Variants in GSTO2 observed in about 807,000 individuals in gnomAD.
GSTO2 encodes glutathione S-transferase omega 2.
A neutral mutation model predicts 28.4 loss-of-function variants in GSTO2; 23 were observed. The ratio of observed to expected loss-of-function variants is 0.81; its 90% CI spans 0.58 to 1.15. The LOEUF (loss-of-function observed/expected upper bound fraction) is 1.15. GSTO2 is among the 50% of genes most tolerant of loss of function. The pLI, the probability that GSTO2 is intolerant of heterozygous loss-of-function variation, is 0.00. For synonymous variants in GSTO2, 109 were observed against 111.0 expected (o/e 0.98, Z 0.11); for missense variants, 298 against 297.8 (o/e 1.00, Z 0.00).
chr10:104,285,540 C>T (rs1322821045), intron 5 of GSTO2, among the ~76,000 whole-genome samples: 2 of 152,224 alleles, frequency 1.3e-5, no homozygotes, highest in Non-Finnish European at 2.9e-5. Context: ...GCCTCAGCCT[C>T]CTGGGCTCAA....
At chr10:104,272,097 G>A (rs906177315) in intron 1 of GSTO2, among the ~76,000 whole-genome samples, 1 of 152,184 alleles carries the variant, frequency 6.6e-6, no homozygotes, top group Non-Finnish European at 1.5e-5. Flanking sequence ...TGGGTTCATT[G>A]ATTGTAATAA....
intron 5 of GSTO2, among the ~76,000 whole-genome samples, chr10:104,283,292 C>T (rs2012197860): frequency 6.6e-6 from 1 of 152,224 alleles, no homozygotes; most frequent in Admixed American, 6.5e-5. Flanking sequence ...ATTGTCCTAA[C>T]AGGTTTGAAT....
rs199548115 is a variant in GSTO2 at position 104,275,305 on chromosome 10, C to T, written c.114C>T (p.Thr38=). 1 of 1,614,060 alleles carries T rather than the reference C, an allele frequency of 6.2e-7. No homozygotes were observed. The highest frequency in any genetic ancestry group is 8.5e-7 in the Non-Finnish European group (1 of 1,179,986). The change falls in exon 3 of 7, where the codon ACC becomes ACT. Residue 38 remains threonine (T), a synonymous_variant. Transcript: ENST00000338595. ...GGTTCTGCCCCTATTCTCACAGGAC[C>T]CGCCTCGTCCTCAAGGCCAAAGACA... ...SMRFCPYSHR[T]RLVLKAKDIR... is the part of the protein sequence containing the mutation.
intron 5 of GSTO2, among the ~76,000 whole-genome samples, chr10:104,280,134 C>G (rs1021971347): frequency 7.4e-6 from 1 of 134,346 alleles, no homozygotes; most frequent in Non-Finnish European, 1.5e-5. Flanking sequence ...CCACTGCACT[C>G]TAGCCTGGGT....
At chr10:104,270,509 C>A (rs1214868938) in intron 1 of GSTO2, among the ~76,000 whole-genome samples, 1 of 148,634 alleles carries the variant, frequency 6.7e-6, no homozygotes, top group South Asian at 2.1e-4. Flanking sequence ...TTTTTTTTTT[C>A]TTTGATTCCT....
Position 104,302,242 on chromosome 10 carries a change from G to A in GSTO2, c.*2958G>A, listed in dbSNP as rs1185245520. On this transcript the variant is annotated 3_prime_UTR_variant, in exon 7 of 7. Transcript: ENST00000338595. ...CCTTGAGGTCCCTCCCCCAACATGTGGGGATTATAATTCAGATTAAAATTG... is the reference window on the plus strand; with the variant it reads ...CCTTGAGGTCCCTCCCCCAACATGTAGGGATTATAATTCAGATTAAAATTG... 6.6e-6 allele frequency: 1 copy of A among 152,182 alleles called. No individual in the cohort carries two copies. Among genetic ancestry groups the A allele is most frequent in the Non-Finnish European group, 1.5e-5 (1 of 68,034 alleles). 9.4% of individuals were successfully genotyped at this position (152,182 alleles called of 1,614,324 possible).
chr10:104,297,294 G>T (rs1282202179), intron 5 of GSTO2: 2 of 263,236 alleles, frequency 7.6e-6, no homozygotes, highest in Non-Finnish European at 1.5e-5. Flanking sequence ...GGAGGGACTG[G>T]GGTACTCTGT....
At chr10:104,296,681 A>G (rs2013046744) in intron 5 of GSTO2, 1 of 151,876 alleles carries the variant, frequency 6.6e-6, no homozygotes, top group African/African-American at 2.4e-5. Flanking sequence ...GGCCTGTTAA[A>G]TAGGATGCTC....
chr10:104,269,580 G>A (rs12267156), intron 1 of GSTO2, among the ~76,000 whole-genome samples: 11,270 of 152,180 alleles, frequency 0.074, 1,398 homozygotes, highest in African/African-American at 0.26. Flanking sequence ...TCAGCCTTGC[G>A]TGGGACACCA....
chr10:104,271,384 T>C lies in GSTO2; in HGVS notation c.-232+2115T>C, dbSNP rs375934274. Reference sequence around the variant, plus strand: ...TCTGCTATTTAAAATGTGTTCTTACTCACTAGCGTTTGTCATTAACTTTGA... The same window carrying C: ...TCTGCTATTTAAAATGTGTTCTTACCCACTAGCGTTTGTCATTAACTTTGA... On this transcript the variant is annotated intron_variant, in intron 1 of 6. Coordinates refer to ENST00000338595, the MANE Select transcript of GSTO2 (RefSeq NM_183239.2). Among the ~76,000 whole-genome samples the C allele has an allele frequency of 5.4e-4, 83 of 152,374 alleles. 1 individual carries two copies. Among genetic ancestry groups the C allele is most frequent in the African/African-American group, 1.8e-3 (74 of 41,588 alleles).
rs1022670720 is a variant in GSTO2 at position 104,269,231 on chromosome 10, T to A, written c.-270T>A. On this transcript the variant is annotated 5_prime_UTR_variant, in exon 1 of 7. Transcript: ENST00000338595. The stretch of plus-strand genomic sequence containing the variant: ...CCAATCCTGGTCCGGTTGCCCGAGT[T>A]CCCGGAGGTCTCTCGCGGGACCTCT... The A allele has an allele frequency of 6.6e-6, 1 of 152,534 alleles. No homozygotes were observed. Among genetic ancestry groups the A allele is most frequent in the African/African-American group, 2.4e-5 (1 of 41,482 alleles). 9.4% of individuals were successfully genotyped at this position (152,534 alleles called of 1,614,324 possible).
At chr10:104,283,868 C>G (rs1240798950) in intron 5 of GSTO2, among the ~76,000 whole-genome samples, 1 of 152,160 alleles carries the variant, frequency 6.6e-6, no homozygotes, top group Non-Finnish European at 1.5e-5. Flanking sequence ...ATATTAAATA[C>G]TCATTGTCTT....
intron 6 of GSTO2, 40 bp downstream of exon 6, chr10:104,297,724 A>C: frequency 7.4e-7 from 1 of 1,342,458 alleles, no homozygotes; most frequent in South Asian, 1.2e-5. Context: ...TCCCGGAGTC[A>C]CACTGAGTAA....
At chr10:104,299,085 GC>G in intron 6 of GSTO2, 42 bp from the exon 7 acceptor site, 1 of 1,508,194 alleles carries the variant, frequency 6.6e-7, no homozygotes, top group African/African-American at 1.4e-5. Context: ...CTTTCCTGAT[GC>G]CTACCCCTGC....
intron 5 of GSTO2, among the ~76,000 whole-genome samples, chr10:104,294,755 G>C (rs1438899159): frequency 6.6e-6 from 1 of 152,170 alleles, no homozygotes; most frequent in Non-Finnish European, 1.5e-5. Context: ...CGAGTACCTT[G>C]ATAAGGCTTG....
chr10:104,295,128 A>T (rs1396829388), intron 5 of GSTO2: 1 of 151,968 alleles, frequency 6.6e-6, no homozygotes, highest in Non-Finnish European at 1.5e-5. Flanking sequence ...TTGAGTAGTG[A>T]TCATCTATTC....
At position 104,299,130 on chromosome 10, in the gene GSTO2, G is replaced by T; in HGVS notation, c.578G>T (p.Cys193Phe). 6.2e-7 allele frequency: 1 copy of T among 1,613,448 alleles called. No homozygotes were observed. The highest frequency in any genetic ancestry group is 1.1e-5 in the South Asian group (1 of 91,048). The change falls in exon 7 of 7, where the codon TGT becomes TTT. Residue 193 changes from cysteine (C) to phenylalanine (F), a missense_variant and splice_region_variant. Coordinates refer to ENST00000338595, the MANE Select transcript of GSTO2 (RefSeq NM_183239.2). ...ERLDVYGILDCVSHTPALRLW... is the reference protein window; with the variant it reads ...ERLDVYGILDFVSHTPALRLW... ...GACGCTTCTTTCCTGTCTTGCAGCT[G>T]TGTGAGCCACACGCCAGCCCTGCGG...
intron 4 of GSTO2, among the ~76,000 whole-genome samples, chr10:104,279,147 C>G (rs972318347): frequency 6.6e-6 from 1 of 152,124 alleles, no homozygotes; most frequent in Non-Finnish European, 1.5e-5. Flanking sequence ...CTGGAGAAAC[C>G]CTCCTAAAGC....
intron 6 of GSTO2, 56 bp from the exon 7 acceptor site, chr10:104,299,072 C>A: frequency 6.8e-7 from 1 of 1,475,942 alleles, no homozygotes; most frequent in African/African-American, 1.4e-5. Context: ...CAACGTGCAT[C>A]CCCTTTCCTG....
Sources: gnomAD v4.1 joint callset for allele counts (sites outside exome capture counted in the v4.1 genomes callset) on GRCh38, gnomAD v4.1.1 for gene constraint, MANE v1.5 for transcripts, NCBI Gene and HGNC (gene_info 2026-07-23, HGNC 2026-07-21) for gene names.